The following MALRD1 variants were observed in gnomAD, a reference collection of about 807,000 sequenced individuals.
MALRD1 encodes MAM and LDL-receptor class A domain-containing protein 1.
In MALRD1, 247 loss-of-function variants were observed where a neutral mutation model predicts 242.1. That is an observed-to-expected ratio of 1.02 (90% CI 0.92 to 1.13). MALRD1 has a LOEUF of 1.13. Ranked by LOEUF, MALRD1 falls within the 50% of genes most tolerant of loss-of-function variation. The pLI, the probability that MALRD1 is intolerant of heterozygous loss-of-function variation, is 0.00. For synonymous variants in MALRD1, 995 were observed against 866.6 expected (o/e 1.15, Z -2.60); for missense variants, 2,989 against 2,533.1 (o/e 1.18, Z -3.86).
chr10:19,716,738 T>C (rs1834409242), intron 38 of MALRD1: 1 of 152,330 alleles, frequency 6.6e-6, no homozygotes, highest in Non-Finnish European at 1.5e-5. Flanking sequence ...ATCCATAGAA[T>C]TTTTGAACTG....
chr10:19,259,736 G>T (rs112618728), intron 19 of MALRD1, among the ~76,000 whole-genome samples: 1 of 152,032 alleles, frequency 6.6e-6, no homozygotes, highest in Non-Finnish European at 1.5e-5. Flanking sequence ...CCTGGAACAG[G>T]TTTCCCACAG....
chr10:19,720,824 T>C (rs1564568723), intron 38 of MALRD1, among the ~76,000 whole-genome samples: 1 of 152,120 alleles, frequency 6.6e-6, no homozygotes, highest in Non-Finnish European at 1.5e-5. Context: ...GGCTAAAAAA[T>C]GGACGGTAAA....
At position 19,692,336 on chromosome 10, in the gene MALRD1, T is replaced by C. The variant is rs1833110927; in HGVS notation, c.6192T>C (p.Ala2064=). 3.3e-6 allele frequency: 5 copies of C among 1,535,548 alleles called. No homozygotes were observed. Among genetic ancestry groups the C allele is most frequent in the Non-Finnish European group, 3.5e-6 (4 of 1,146,544 alleles). The stretch of plus-strand genomic sequence containing the variant: ...GCCATATCAAGTTTAATCCTCCTGC[T>C]ACAGACTTCACATACGCTCAGAATA... ...NRCHIKFNPP[A]TDFTYAQNNT... The change falls in exon 37 of 40, where the codon GCT becomes GCC. Residue 2064 remains alanine (A), a synonymous_variant. Transcript: ENST00000454679.
chr10:19,483,380 T>C (rs1335773667), intron 29 of MALRD1, among the ~76,000 whole-genome samples: 1 of 152,060 alleles, frequency 6.6e-6, no homozygotes, highest in African/African-American at 2.4e-5. Context: ...ATTTACAGAA[T>C]GACAGAAAAC....
chr10:19,662,589 G>T (rs192671731), intron 36 of MALRD1, among the ~76,000 whole-genome samples: 11 of 152,072 alleles, frequency 7.2e-5, no homozygotes, highest in Middle Eastern at 3.4e-3. Context: ...GCAGACCAAG[G>T]TATTAAGAGT....
chr10:19,309,797 G>A (rs72782356), intron 21 of MALRD1, among the ~76,000 whole-genome samples: 1 of 151,606 alleles, frequency 6.6e-6, no homozygotes, highest in Non-Finnish European at 1.5e-5. Context: ...GATAGGTAAA[G>A]GCTAGGATGG....
chr10:19,112,817 A>T (rs1040038755), intron 5 of MALRD1, among the ~76,000 whole-genome samples: 1 of 152,216 alleles, frequency 6.6e-6, no homozygotes, highest in South Asian at 2.1e-4. Context: ...ACAGAAACTG[A>T]AAATCAACAA....
chr10:19,124,426 T>C, intron 6 of MALRD1, 98 bp from the exon 7 acceptor site: 1 of 990,296 alleles, frequency 1.0e-6, no homozygotes, highest in Non-Finnish European at 1.3e-6. Flanking sequence ...GATGTGTATG[T>C]GTGTATATAA....
intron 17 of MALRD1, 71 bp downstream of exon 17, chr10:19,205,336 T>C (rs1381538819): frequency 4.8e-6 from 7 of 1,451,406 alleles, no homozygotes; most frequent in Non-Finnish European, 5.4e-6. Context: ...TTCACTTTTG[T>C]CTTGCCAATC....
intron 36 of MALRD1, among the ~76,000 whole-genome samples, chr10:19,655,693 C>T (rs1418353462): frequency 6.6e-6 from 1 of 151,518 alleles, no homozygotes; most frequent in African/African-American, 2.4e-5. Context: ...TAAAGATTTT[C>T]TTTTAGAGTA....
chr10:19,175,335 T>C lies in MALRD1; in HGVS notation c.1951+7T>C, dbSNP rs1835183359. 5 of 1,229,284 alleles carry C rather than the reference T, an allele frequency of 4.1e-6. No individual in the cohort carries two copies. In the South Asian group the frequency reaches 1.2e-4, roughly 30 times the overall value. The allele number at this position is 1,229,284 out of a possible 1,614,324, so 76.1% of individuals were successfully genotyped here. A position where few individuals can be genotyped will look rare whatever the true frequency, so the allele number is the denominator to read the frequency against. Reference sequence around the variant, plus strand: ...ACCAGTACACAAAGCAAGTGTAAGTTTTTCCTTGTCGTTGTTGCTGTTTTA... The same window carrying C: ...ACCAGTACACAAAGCAAGTGTAAGTCTTTCCTTGTCGTTGTTGCTGTTTTA... On this transcript the variant is annotated splice_region_variant and intron_variant, in intron 14 of 39. Transcript: ENST00000454679.
intron 29 of MALRD1, among the ~76,000 whole-genome samples, chr10:19,467,830 G>C (rs1476245660): frequency 6.7e-6 from 1 of 149,476 alleles, no homozygotes; most frequent in Non-Finnish European, 1.5e-5. Context: ...GTTTCACTCT[G>C]TTGCCCAGGC....
chr10:19,554,536 C>T (rs1475099602), intron 32 of MALRD1, among the ~76,000 whole-genome samples: 1 of 152,002 alleles, frequency 6.6e-6, no homozygotes, highest in East Asian at 1.9e-4. Flanking sequence ...TTCTAATGCT[C>T]TCCCTCCCCA....
intron 38 of MALRD1, among the ~76,000 whole-genome samples, chr10:19,711,968 T>C (rs936095316): frequency 1.3e-5 from 2 of 152,126 alleles, no homozygotes; most frequent in African/African-American, 4.8e-5. Flanking sequence ...AGGTGGTCAG[T>C]TGGAAAATTG....
At chr10:19,554,725 G>T (rs1835640443) in intron 32 of MALRD1, among the ~76,000 whole-genome samples, 1 of 152,080 alleles carries the variant, frequency 6.6e-6, no homozygotes. Flanking sequence ...ACATGATCTT[G>T]TTCCTTTTTA....
intron 38 of MALRD1, among the ~76,000 whole-genome samples, chr10:19,717,788 T>C (rs1834457218): frequency 6.6e-6 from 1 of 151,978 alleles, no homozygotes; most frequent in African/African-American, 2.4e-5. Flanking sequence ...AGGCCAAGAC[T>C]GGTGAAACAC....
chr10:19,259,585 C>T (rs1435675020), intron 19 of MALRD1, among the ~76,000 whole-genome samples: 3 of 152,092 alleles, frequency 2.0e-5, no homozygotes, highest in Non-Finnish European at 4.4e-5. Flanking sequence ...AAGACCCGCC[C>T]CCGTGATTCA....
At chr10:19,264,381 C>G (rs894931683) in intron 19 of MALRD1, among the ~76,000 whole-genome samples, 2 of 151,602 alleles carry the variant, frequency 1.3e-5, no homozygotes, top group African/African-American at 2.4e-5. Context: ...TCATATTGGC[C>G]TGTAATTTTC....
chr10:19,378,265 A>C, intron 26 of MALRD1, among the ~76,000 whole-genome samples: 1 of 152,152 alleles, frequency 6.6e-6, no homozygotes. Flanking sequence ...GCATTATTGA[A>C]AATAAATTCT....
Sources: gnomAD v4.1 joint callset for allele counts (sites outside exome capture counted in the v4.1 genomes callset) on GRCh38, gnomAD v4.1.1 for gene constraint, MANE v1.5 for transcripts, NCBI Gene and HGNC (gene_info 2026-07-23, HGNC 2026-07-21) for gene names.